Variants in PLXNA4 observed in about 807,000 individuals in gnomAD.
PLXNA4 encodes the protein plexin A4, also known as plexin-A4.
A neutral mutation model predicts 191.8 loss-of-function variants in PLXNA4; 44 were observed. That is an observed-to-expected ratio of 0.23 (90% CI 0.18 to 0.29). The LOEUF is 0.29. Among genes scored for constraint, PLXNA4 ranks in the 10% least tolerant of loss-of-function variants. The probability of loss-of-function intolerance (pLI) is 1.00; values close to 1 mark genes in which losing one functional copy is unlikely to be tolerated. For missense variants in PLXNA4, 1,800 were observed against 2,488.8 expected (o/e 0.72, Z 5.89); for synonymous variants, 1,082 against 1,009.5 (o/e 1.07, Z -1.36).
chr7:132,198,670 C>T (rs775584430), intron 12 of PLXNA4, 34 bp from the exon 13 acceptor site: 2 of 1,609,734 alleles, frequency 1.2e-6, no homozygotes, highest in Non-Finnish European at 1.7e-6. Flanking sequence ...TAGACAAACA[C>T]CAAGATACTG....
chr7:132,140,841 G>A, intron 29 of PLXNA4, 30 bp from the exon 30 acceptor site: 1 of 1,612,318 alleles, frequency 6.2e-7, no homozygotes. Context: ...AGATGGTCAG[G>A]AAAGACGGGG....
At chr7:132,331,689 C>T (rs575811539) in intron 3 of PLXNA4, among the ~76,000 whole-genome samples, 37 of 152,314 alleles carry the variant, frequency 2.4e-4, no homozygotes, top group African/African-American at 7.5e-4. Flanking sequence ...CTATTGCTCT[C>T]GGGCTTTCCT....
intron 3 of PLXNA4, among the ~76,000 whole-genome samples, chr7:132,377,679 C>A (rs1804716272): frequency 6.6e-6 from 1 of 152,096 alleles, no homozygotes; most frequent in Non-Finnish European, 1.5e-5. Flanking sequence ...TTTCCTTGTG[C>A]CCCTCAGTGG....
chr7:132,604,895 C>T lies in PLXNA4; in HGVS notation c.-87+41033G>A, dbSNP rs557612377. Reference sequence around the variant, plus strand: ...CCCTAGCCACAGCCTCTCCCTGGGACTCAACCCTCCTGGTCCTGCACTTCC... The same window carrying T: ...CCCTAGCCACAGCCTCTCCCTGGGATTCAACCCTCCTGGTCCTGCACTTCC... On this transcript the variant is annotated intron_variant, in intron 2 of 4. Transcript: ENST00000378539. Among the ~76,000 whole-genome samples the T allele has an allele frequency of 1.2e-4, 19 of 152,350 alleles. No individual in the cohort carries two copies. The South Asian group carries it at 3.9e-3, about 32-fold the overall frequency.
At chr7:132,609,134 C>A (rs1353108740) in intron 2 of PLXNA4, among the ~76,000 whole-genome samples, 1 of 152,176 alleles carries the variant, frequency 6.6e-6, no homozygotes, top group Admixed American at 6.5e-5. Flanking sequence ...TTCATCACAC[C>A]TTGATTATAG....
At chr7:132,373,408 A>C (rs1007955804) in intron 3 of PLXNA4, among the ~76,000 whole-genome samples, 1 of 152,208 alleles carries the variant, frequency 6.6e-6, no homozygotes, top group African/African-American at 2.4e-5. Flanking sequence ...GATTGGTGCC[A>C]GGCCTCCGTA....
At chr7:132,453,268 C>T (rs111602589) in intron 3 of PLXNA4, among the ~76,000 whole-genome samples, 1,675 of 152,208 alleles carry the variant, frequency 0.011, 16 homozygotes, top group Middle Eastern at 0.044. Context: ...CAAAGATGGG[C>T]AAGGCTGGAG....
intron 2 of PLXNA4, among the ~76,000 whole-genome samples, chr7:132,507,156 C>T (rs1269682785): frequency 6.6e-6 from 1 of 152,130 alleles, no homozygotes; most frequent in Non-Finnish European, 1.5e-5. Context: ...TGCACTACAG[C>T]ACACTGTGAT....
intron 3 of PLXNA4, among the ~76,000 whole-genome samples, chr7:132,313,680 T>A (rs1801835131): frequency 6.6e-6 from 1 of 152,106 alleles, no homozygotes; most frequent in African/African-American, 2.4e-5. Context: ...CATTCAGGAC[T>A]GAATGTCTGC....
chr7:132,538,572 G>T (rs1252607894), intron 1 of PLXNA4, among the ~76,000 whole-genome samples: 1 of 152,206 alleles, frequency 6.6e-6, no homozygotes, highest in Non-Finnish European at 1.5e-5. Flanking sequence ...TGAAATTTCT[G>T]AATCTCTCAA....
intron 3 of PLXNA4, among the ~76,000 whole-genome samples, chr7:132,378,140 T>C (rs550187788): frequency 6.6e-6 from 1 of 152,098 alleles, no homozygotes. Context: ...GAGAAACACA[T>C]ATGTTATTCT....
At chr7:132,134,917 C>G (rs1481153111) in intron 30 of PLXNA4, among the ~76,000 whole-genome samples, 1 of 152,172 alleles carries the variant, frequency 6.6e-6, no homozygotes, top group East Asian at 1.9e-4. Flanking sequence ...CTGTGACCCG[C>G]CCCAAAACAC....
intron 2 of PLXNA4, among the ~76,000 whole-genome samples, chr7:132,594,898 CATAGATAGATAGGTAGATAG>C (rs1477799551): frequency 2.1e-5 from 3 of 142,382 alleles, no homozygotes; most frequent in Admixed American, 7.4e-5. Context: ...TCCATTCAGA[CATAGATAGATAGGTAGATAG>C]ATAGATAGAT....
chr7:132,407,818 G>T (rs1421611705), intron 3 of PLXNA4, among the ~76,000 whole-genome samples: 1 of 152,108 alleles, frequency 6.6e-6, no homozygotes, highest in Non-Finnish European at 1.5e-5. Context: ...CATGAACTTA[G>T]AACACACAGA....
At chr7:132,554,022 A>G (rs754438108) in intron 1 of PLXNA4, among the ~76,000 whole-genome samples, 6 of 152,234 alleles carry the variant, frequency 3.9e-5, no homozygotes, top group Non-Finnish European at 7.3e-5. Flanking sequence ...AGAGAAATAG[A>G]GAGGAGATAC....
chr7:132,550,409 T>C (rs1800508962), intron 1 of PLXNA4, among the ~76,000 whole-genome samples: 1 of 152,204 alleles, frequency 6.6e-6, no homozygotes, highest in Admixed American at 6.5e-5. Context: ...ACATACAGCC[T>C]GATCTCTTTG....
intron 1 of PLXNA4, among the ~76,000 whole-genome samples, chr7:132,533,315 T>C (rs1799699634): frequency 6.6e-6 from 1 of 152,146 alleles, no homozygotes; most frequent in African/African-American, 2.4e-5. Flanking sequence ...TGCAGTGCTC[T>C]GAGGTCCCAT....
intron 2 of PLXNA4, among the ~76,000 whole-genome samples, chr7:132,614,359 C>T (rs1563195176): frequency 6.6e-6 from 1 of 152,338 alleles, no homozygotes; most frequent in South Asian, 2.1e-4. Context: ...TAGCCACATG[C>T]GGCCAGAGGC....
chr7:132,563,151 C>T (rs1358086372), intron 1 of PLXNA4, among the ~76,000 whole-genome samples: 5 of 92,136 alleles, frequency 5.4e-5, no homozygotes, highest in Non-Finnish European at 7.2e-5. Flanking sequence ...CCTCTTCCTC[C>T]TTCTCCTCCT....
Sources: allele counts gnomAD v4.1 joint callset (sites outside exome capture counted in the v4.1 genomes callset), GRCh38; gene constraint gnomAD v4.1.1; transcripts MANE v1.5; gene names NCBI Gene and HGNC (gene_info 2026-07-23, HGNC 2026-07-21).